DLGAP4: variants seen among roughly 807,000 people sequenced by gnomAD.
The protein encoded by DLGAP4 is disks large-associated protein 4.
In DLGAP4, 18 loss-of-function variants were observed where a neutral mutation model predicts 86.9. That is an observed-to-expected ratio of 0.21 (90% CI 0.14 to 0.31). DLGAP4 has a LOEUF of 0.31. DLGAP4 is among the 10% of genes least tolerant of loss of function. The probability of loss-of-function intolerance (pLI) is 1.00; values close to 1 mark genes in which losing one functional copy is unlikely to be tolerated. For synonymous variants in DLGAP4, 548 were observed against 574.3 expected, an observed-to-expected ratio of 0.95 and a Z score of 0.65; for missense variants, 1,085 against 1,362.6, an observed-to-expected ratio of 0.80 and a Z score of 3.21.
intron 3 of DLGAP4, among the ~76,000 whole-genome samples, chr20:36,433,643 G>A (rs1031017950): frequency 3.3e-5 from 5 of 151,694 alleles, no homozygotes; most frequent in Non-Finnish European, 5.9e-5. Flanking sequence ...ACTCTGATGA[G>A]TATTTCTTTT....
chr20:36,308,247 C>A lies in DLGAP4; in HGVS notation c.-304+1735C>A, dbSNP rs2065022935. On this transcript the variant is annotated intron_variant, in intron 1 of 12. Transcript: ENST00000339266. This position sits in a 1 kb window ranked among gnomAD's most constrained non-coding sequence, Gnocchi z 4.5. Reference sequence around the variant, plus strand: ...TGCCCGTGTGTGGTGTCCATGGCGACCCCGTACTCACCTGCCAGAGGCCTG... The same window carrying A: ...TGCCCGTGTGTGGTGTCCATGGCGAACCCGTACTCACCTGCCAGAGGCCTG... Among the ~76,000 whole-genome samples the A allele has an allele frequency of 6.6e-6, 1 of 152,198 alleles. No individual in the cohort carries two copies. The highest frequency in any genetic ancestry group is 2.1e-4 in the South Asian group (1 of 4,828).
intron 7 of DLGAP4, among the ~76,000 whole-genome samples, chr20:36,488,165 A>C (rs2035500199): frequency 6.7e-6 from 1 of 148,518 alleles, no homozygotes; most frequent in Admixed American, 6.9e-5. Flanking sequence ...GCTCCACTGC[A>C]CTCCAGCCTG....
intron 4 of DLGAP4, among the ~76,000 whole-genome samples, chr20:36,438,476 A>T (rs1388348884): frequency 6.7e-6 from 1 of 149,666 alleles, no homozygotes; most frequent in African/African-American, 2.5e-5. Context: ...AGTGACTTCC[A>T]TTTTTCCCTC....
intron 2 of DLGAP4, among the ~76,000 whole-genome samples, chr20:36,389,964 G>A (rs947077800): frequency 2.2e-4 from 33 of 152,204 alleles, no homozygotes; most frequent in African/African-American, 7.5e-4. Context: ...TACTCTGGAG[G>A]CCATGAAACC....
At chr20:36,462,127 G>A in intron 7 of DLGAP4, 2 of 1,011,792 alleles carry the variant, frequency 2.0e-6, no homozygotes, top group Non-Finnish European at 2.4e-6. Flanking sequence ...ATTGCCCCTG[G>A]GCTTTCCCTC....
chr20:36,396,598 A>G (rs1246267709), intron 2 of DLGAP4, among the ~76,000 whole-genome samples: 1 of 148,126 alleles, frequency 6.8e-6, no homozygotes, highest in African/African-American at 2.5e-5. Flanking sequence ...AGACACACAC[A>G]CGCACGCATA....
intron 2 of DLGAP4, among the ~76,000 whole-genome samples, chr20:36,427,417 G>T (rs111756519): frequency 0.016 from 2,426 of 151,788 alleles, 57 homozygotes; most frequent in African/African-American, 0.055. Flanking sequence ...GGCAGAGGTT[G>T]CAGTGAGCTG....
intron 10 of DLGAP4, among the ~76,000 whole-genome samples, chr20:36,522,018 T>TG (rs1414232946): frequency 1.3e-5 from 2 of 151,880 alleles, no homozygotes; most frequent in Non-Finnish European, 2.9e-5. Flanking sequence ...GTGGGATGGG[T>TG]GCCTGGAAGA....
At chr20:36,352,944 C>T (rs1555893570) in intron 1 of DLGAP4, among the ~76,000 whole-genome samples, 2 of 152,146 alleles carry the variant, frequency 1.3e-5, no homozygotes, top group Non-Finnish European at 1.5e-5. Flanking sequence ...AGGGGGGCTA[C>T]GGAAATGAGT....
In DLGAP4 at chr20:36,359,628, G is replaced by A. The variant is rs142625724; in HGVS notation, c.-303-7417G>A. ...CTGAGGCTCGGTGTCCTCATTTGTG[G>A]CCTACACAAAGCTGTGGGTTCAAGG... On this transcript the variant is annotated intron_variant, in intron 1 of 12. Coordinates refer to ENST00000339266, the MANE Select transcript of DLGAP4 (RefSeq NM_001365621.2). Among the ~76,000 whole-genome samples the A allele has an allele frequency of 8.1e-3, 1,227 of 152,238 alleles. 9 individuals are homozygous for A. The highest frequency in any genetic ancestry group is 0.013 in the Non-Finnish European group (878 of 68,018).
chr20:36,513,907 G>T (rs934299632), intron 10 of DLGAP4, among the ~76,000 whole-genome samples: 1 of 152,262 alleles, frequency 6.6e-6, no homozygotes, highest in Non-Finnish European at 1.5e-5. Flanking sequence ...GATATGCTTT[G>T]TTAGACATCA....
intron 1 of DLGAP4, among the ~76,000 whole-genome samples, chr20:36,352,953 G>A (rs2030207168): frequency 6.6e-6 from 1 of 152,212 alleles, no homozygotes; most frequent in Non-Finnish European, 1.5e-5. Context: ...ACGGAAATGA[G>A]TGGCTGCTCA....
At chr20:36,427,063 A>G (rs1278144725) in intron 2 of DLGAP4, among the ~76,000 whole-genome samples, 3 of 152,110 alleles carry the variant, frequency 2.0e-5, no homozygotes, top group Admixed American at 6.5e-5. Flanking sequence ...ATGTACCTAT[A>G]GTCTCAGCTA....
chr20:36,484,917 AT>A (rs1379330084), intron 7 of DLGAP4, among the ~76,000 whole-genome samples: 1 of 152,026 alleles, frequency 6.6e-6, no homozygotes, highest in Non-Finnish European at 1.5e-5. Flanking sequence ...TTGCCAATTG[AT>A]TTTTTTTCCA....
At chr20:36,311,259 C>T (rs962301247) in intron 1 of DLGAP4, among the ~76,000 whole-genome samples, 3 of 151,994 alleles carry the variant, frequency 2.0e-5, no homozygotes, top group African/African-American at 7.3e-5. Flanking sequence ...TCAGCCGAGG[C>T]GCCCCTCTCA....
At chr20:36,427,278 A>ACCAGCC (rs904380869) in intron 2 of DLGAP4, among the ~76,000 whole-genome samples, 5 of 152,122 alleles carry the variant, frequency 3.3e-5, no homozygotes, top group African/African-American at 1.2e-4. Context: ...GGAGTTAGAG[A>ACCAGCC]CCAGCCTGGC....
intron 1 of DLGAP4, among the ~76,000 whole-genome samples, chr20:36,357,460 A>G (rs6028949): frequency 0.66 from 100,900 of 152,102 alleles, 33,685 homozygotes; most frequent in Middle Eastern, 0.76. Flanking sequence ...TTGCAATACA[A>G]TATTTCTGCC....
At chr20:36,476,989 A>G (rs1725054344) in intron 7 of DLGAP4, among the ~76,000 whole-genome samples, 1 of 151,630 alleles carries the variant, frequency 6.6e-6, no homozygotes, top group African/African-American at 2.4e-5. Context: ...TACCATGCCC[A>G]GCCCTCTCTG....
At chr20:36,312,535 T>C (rs908995983) in intron 1 of DLGAP4, among the ~76,000 whole-genome samples, 1 of 152,112 alleles carries the variant, frequency 6.6e-6, no homozygotes, top group Non-Finnish European at 1.5e-5. Flanking sequence ...GGGTCATCTT[T>C]AGAAAGCATA....
Sources: gnomAD v4.1 joint callset for allele counts (sites outside exome capture counted in the v4.1 genomes callset) on GRCh38, gnomAD v4.1.1 for gene constraint, Gnocchi (gnomAD v3.1) non-coding constraint, MANE v1.5 for transcripts, NCBI Gene and HGNC (gene_info 2026-07-23, HGNC 2026-07-21) for gene names.